The following RABGAP1L variants were observed in gnomAD, a reference collection of about 807,000 sequenced individuals.
RABGAP1L encodes the protein rab GTPase-activating protein 1-like.
In RABGAP1L, 63 loss-of-function variants were observed where a neutral mutation model predicts 137.7. The observed-to-expected ratio is 0.46, with a 90% confidence interval of 0.37 to 0.56. The LOEUF (loss-of-function observed/expected upper bound fraction) is 0.56, where lower values mean the gene tolerates loss of function less well. Ranked by LOEUF, RABGAP1L falls within the 20% of genes least tolerant of loss-of-function variation. The probability of loss-of-function intolerance (pLI) is 0.00; values close to 1 mark genes in which losing one functional copy is unlikely to be tolerated. For missense variants in RABGAP1L, 1,095 were observed against 1,244.0 expected (o/e 0.88, Z 1.80); for synonymous variants, 431 against 433.7 (o/e 0.99, Z 0.08).
At chr1:174,321,136 T>C (rs10158115) in intron 11 of RABGAP1L, among the ~76,000 whole-genome samples, 87,294 of 151,992 alleles carry the variant, frequency 0.57, 27,451 homozygotes, top group African/African-American at 0.85. Flanking sequence ...CCCAGTCTCC[T>C]GTAGCACTCC....
chr1:174,943,310 G>A (rs1304602404), intron 19 of RABGAP1L, among the ~76,000 whole-genome samples: 5 of 152,060 alleles, frequency 3.3e-5, no homozygotes, highest in South Asian at 2.1e-4. Context: ...TTATGTAGCC[G>A]GTCTTGCTCT....
intron 19 of RABGAP1L, chr1:174,877,251 A>G (rs1653277675): frequency 9.8e-6 from 6 of 611,878 alleles, no homozygotes; most frequent in South Asian, 2.0e-5. Context: ...TTTATAGTGT[A>G]TACTTCCTGC....
Position 174,296,018 on chromosome 1 carries a change from G to A in RABGAP1L, c.1324-8968G>A, listed in dbSNP as rs537809478. ...AGGCTAAGCCTTGGGAAACACAGAC[G>A]TTTAAAAAATTGGAGAGGAGGAGGA... On this transcript the variant is annotated intron_variant, in intron 10 of 25. Coordinates refer to ENST00000681986, the MANE Select transcript of RABGAP1L (RefSeq NM_001366446.1). Among the ~76,000 whole-genome samples, 2 of 152,092 alleles carry A rather than the reference G, an allele frequency of 1.3e-5. 1 individual carries two copies. The highest frequency in any genetic ancestry group is 4.1e-4 in the South Asian group (2 of 4,824).
At chr1:174,734,293 T>C (rs899499949) in intron 17 of RABGAP1L, among the ~76,000 whole-genome samples, 7 of 152,096 alleles carry the variant, frequency 4.6e-5, no homozygotes, top group Non-Finnish European at 1.0e-4. Context: ...TGGGGTCACC[T>C]AGAAAGCTAG....
At chr1:174,896,518 C>T (rs1657205204) in intron 19 of RABGAP1L, among the ~76,000 whole-genome samples, 1 of 152,100 alleles carries the variant, frequency 6.6e-6, no homozygotes, top group East Asian at 1.9e-4. Flanking sequence ...GTTGCCCATG[C>T]CTATGTCCTG....
At chr1:174,396,995 A>G (rs1647952661) in intron 13 of RABGAP1L, among the ~76,000 whole-genome samples, 1 of 148,178 alleles carries the variant, frequency 6.7e-6, no homozygotes, top group African/African-American at 2.5e-5. Flanking sequence ...AAAAAAAATT[A>G]GCTGGGCATG....
intron 13 of RABGAP1L, among the ~76,000 whole-genome samples, chr1:174,635,174 T>G (rs1673877897): frequency 6.6e-6 from 1 of 152,210 alleles, no homozygotes; most frequent in Admixed American, 6.5e-5. Flanking sequence ...TGGAACCATT[T>G]AAACACAGCA....
chr1:174,968,544 TTTTG>T (rs1156984476), intron 20 of RABGAP1L, among the ~76,000 whole-genome samples: 6 of 152,078 alleles, frequency 3.9e-5, no homozygotes, highest in East Asian at 1.9e-4. Context: ...TGTTTCGTTT[TTTTG>T]TTTGTTTTTT....
intron 3 of RABGAP1L, among the ~76,000 whole-genome samples, chr1:174,223,546 A>G (rs966320158): frequency 6.6e-6 from 1 of 151,946 alleles, no homozygotes. Flanking sequence ...AATAGGTAAC[A>G]AGGAAGAAAC....
At chr1:174,711,891 C>A (rs1680555041) in intron 17 of RABGAP1L, among the ~76,000 whole-genome samples, 1 of 152,224 alleles carries the variant, frequency 6.6e-6, no homozygotes, top group East Asian at 1.9e-4. Context: ...ACTTGGAGAA[C>A]TTTTATGTTT....
intron 13 of RABGAP1L, among the ~76,000 whole-genome samples, chr1:174,473,793 C>T (rs1431148781): frequency 6.6e-6 from 1 of 152,194 alleles, no homozygotes; most frequent in Non-Finnish European, 1.5e-5. Flanking sequence ...AGGAGTCCTG[C>T]AATCATTCGC....
intron 9 of RABGAP1L, among the ~76,000 whole-genome samples, chr1:174,278,152 C>T (rs908500689): frequency 6.6e-6 from 1 of 152,136 alleles, no homozygotes; most frequent in Non-Finnish European, 1.5e-5. Flanking sequence ...CTTGTAATCC[C>T]AGCACTTTGG....
intron 10 of RABGAP1L, among the ~76,000 whole-genome samples, chr1:174,295,344 C>T (rs1677025830): frequency 6.6e-6 from 1 of 151,882 alleles, no homozygotes; most frequent in African/African-American, 2.4e-5. Flanking sequence ...TCCCAAGTTG[C>T]TGGGACTACA....
intron 13 of RABGAP1L, among the ~76,000 whole-genome samples, chr1:174,537,313 C>T (rs1000660867): frequency 3.9e-5 from 6 of 152,188 alleles, no homozygotes; most frequent in African/African-American, 1.2e-4. Flanking sequence ...TATATCAGTA[C>T]TAATGATTAC....
At chr1:174,517,182 A>G (rs1662944083) in intron 13 of RABGAP1L, among the ~76,000 whole-genome samples, 1 of 152,120 alleles carries the variant, frequency 6.6e-6, no homozygotes, top group Non-Finnish European at 1.5e-5. Context: ...ATGAGATATT[A>G]TGGGGATGCA....
In RABGAP1L at chr1:174,763,699, G is replaced by A. The variant is rs369687520; in HGVS notation, c.2211+11345G>A. Among the ~76,000 whole-genome samples the A allele has an allele frequency of 5.9e-5, 8 of 135,034 alleles. No homozygotes were observed. In the East Asian group the frequency reaches 1.3e-3, roughly 22 times the overall value. The allele number at this position is 135,034 out of a possible 152,430, so 88.6% of individuals were successfully genotyped here. On this transcript the variant is annotated intron_variant, in intron 18 of 25. Transcript: ENST00000681986. ...AAAAAAAAAAAAAAATTAGCCAGGC[G>A]TGGTGGCAGGTGCCTGTAGTCCCAG...
At chr1:174,326,708 C>A (rs528736965) in intron 11 of RABGAP1L, among the ~76,000 whole-genome samples, 2 of 152,182 alleles carry the variant, frequency 1.3e-5, no homozygotes, top group African/African-American at 4.8e-5. Flanking sequence ...TATAACAAGA[C>A]TAGATTTACC....
chr1:174,463,977 A>AT (rs1657010267), intron 13 of RABGAP1L, among the ~76,000 whole-genome samples: 1 of 152,160 alleles, frequency 6.6e-6, no homozygotes, highest in African/African-American at 2.4e-5. Context: ...TGGATTACAA[A>AT]TTTTTTAAAG....
At chr1:174,669,007 CAT>C (rs1159397778) in intron 14 of RABGAP1L, among the ~76,000 whole-genome samples, 1 of 152,108 alleles carries the variant, frequency 6.6e-6, no homozygotes, top group Non-Finnish European at 1.5e-5. Context: ...GTTAACCCCT[CAT>C]CAGATGTTTT....
Sources: gnomAD v4.1 joint callset for allele counts (sites outside exome capture counted in the v4.1 genomes callset) on GRCh38, gnomAD v4.1.1 for gene constraint, MANE v1.5 for transcripts, NCBI Gene and HGNC (gene_info 2026-07-23, HGNC 2026-07-21) for gene names.